Variants in NUBPL observed in about 807,000 individuals in gnomAD.
NUBPL encodes NUBP iron-sulfur cluster assembly factor, mitochondrial, also known as iron-sulfur cluster transfer protein NUBPL.
In NUBPL, 31 loss-of-function variants were observed where a neutral mutation model predicts 45.7. The observed-to-expected ratio is 0.68, with a 90% CI of 0.51 to 0.92. The LOEUF (loss-of-function observed/expected upper bound fraction) is 0.92. NUBPL is among the 40% of genes least tolerant of loss of function. The pLI is 0.00. For synonymous variants in NUBPL, 144 were observed against 140.9 expected, an observed-to-expected ratio of 1.02 and a Z score of -0.15; for missense variants, 401 against 398.7, an observed-to-expected ratio of 1.01 and a Z score of -0.05.
chr14:31,788,211 G>A (rs952073890), intron 7 of NUBPL, among the ~76,000 whole-genome samples: 1 of 152,158 alleles, frequency 6.6e-6, no homozygotes, highest in Non-Finnish European at 1.5e-5. Context: ...AACAGCAGTA[G>A]TAGCAGCAAG....
chr14:31,564,371 C>T (rs1045168750), intron 2 of NUBPL, among the ~76,000 whole-genome samples: 2 of 152,052 alleles, frequency 1.3e-5, no homozygotes, highest in Non-Finnish European at 2.9e-5. Context: ...ACTTGGAACT[C>T]CTGCAATATC....
At chr14:31,837,837 A>G (rs896286893) in intron 8 of NUBPL, among the ~76,000 whole-genome samples, 1 of 152,218 alleles carries the variant, frequency 6.6e-6, no homozygotes, top group Non-Finnish European at 1.5e-5. Flanking sequence ...AATTAAAACC[A>G]TAGTAGAAAA....
intron 4 of NUBPL, among the ~76,000 whole-genome samples, chr14:31,645,593 G>T (rs547377925): frequency 6.6e-6 from 1 of 151,974 alleles, no homozygotes; most frequent in African/African-American, 2.4e-5. Context: ...TTCTCTGGTA[G>T]TATGTTTTAA....
At chr14:31,744,617 C>CTTTTTT (rs34367142) in intron 6 of NUBPL, among the ~76,000 whole-genome samples, 11 of 103,908 alleles carry the variant, frequency 1.1e-4, no homozygotes, top group East Asian at 2.8e-4. Flanking sequence ...TTTGTAGAAT[C>CTTTTTT]TTTTTTTTTT....
At chr14:31,567,573 A>ATTTTGT (rs1209532896) in intron 3 of NUBPL, among the ~76,000 whole-genome samples, 1 of 151,356 alleles carries the variant, frequency 6.6e-6, no homozygotes, top group Non-Finnish European at 1.5e-5. Context: ...GGTTCTTCTG[A>ATTTTGT]TTTTGTTTTT....
intron 3 of NUBPL, among the ~76,000 whole-genome samples, chr14:31,590,857 G>A (rs1029770675): frequency 2.6e-5 from 4 of 151,854 alleles, no homozygotes; most frequent in African/African-American, 7.3e-5. Context: ...ACTTACTAAG[G>A]GCATTAAAAT....
At chr14:31,586,356 G>C (rs912090994) in intron 3 of NUBPL, among the ~76,000 whole-genome samples, 1 of 152,182 alleles carries the variant, frequency 6.6e-6, no homozygotes, top group South Asian at 2.1e-4. Context: ...TCGTTCAAAG[G>C]TAATAATTTG....
At chr14:31,584,969 C>A (rs572073459) in intron 3 of NUBPL, among the ~76,000 whole-genome samples, 1 of 152,204 alleles carries the variant, frequency 6.6e-6, no homozygotes, top group Admixed American at 6.5e-5. Flanking sequence ...GCCTGATTAT[C>A]TCCCAAAGGC....
chr14:31,690,679 G>T (rs529411199), intron 6 of NUBPL, among the ~76,000 whole-genome samples: 59 of 152,262 alleles, frequency 3.9e-4, no homozygotes, highest in Non-Finnish European at 5.9e-4. Context: ...TCCAAATGTT[G>T]TTCATGACTT....
intron 3 of NUBPL, among the ~76,000 whole-genome samples, chr14:31,598,822 C>T (rs145725525): frequency 6.6e-6 from 1 of 152,260 alleles, no homozygotes. Flanking sequence ...TATTATGGCC[C>T]TGTTTCCATG....
intron 3 of NUBPL, among the ~76,000 whole-genome samples, chr14:31,568,911 G>T (rs2033507982): frequency 6.6e-6 from 1 of 152,124 alleles, no homozygotes. Flanking sequence ...AGTCCATTGG[G>T]ATGTGGGCAG....
chr14:31,610,742 G>C (rs2034735233), intron 4 of NUBPL, among the ~76,000 whole-genome samples: 1 of 151,956 alleles, frequency 6.6e-6, no homozygotes, highest in African/African-American at 2.4e-5. Flanking sequence ...TGACCAACTG[G>C]GATTTATCCC....
At chr14:31,662,058 A>G (rs2036282547) in intron 4 of NUBPL, 1 of 151,828 alleles carries the variant, frequency 6.6e-6, no homozygotes, top group Admixed American at 6.6e-5. Flanking sequence ...TTTCTTTGTT[A>G]AATTTTCCGT....
Position 31,805,835 on chromosome 14 carries a change from T to A in NUBPL, c.607+17962T>A, listed in dbSNP as rs149435754. On this transcript the variant is annotated intron_variant, in intron 7 of 10. Coordinates refer to ENST00000281081, the MANE Select transcript of NUBPL (RefSeq NM_025152.3). The stretch of plus-strand genomic sequence containing the variant: ...GCTTAATACGTGGGTGATGAAATAA[T>A]CTGTACAACAAACCCCCATGACACA... Among the ~76,000 whole-genome samples the A allele has an allele frequency of 9.4e-4, 143 of 152,174 alleles. 2 individuals are homozygous for A. The highest frequency in any genetic ancestry group is 3.3e-3 in the African/African-American group (137 of 41,506).
At chr14:31,844,380 A>C (rs771864392) in intron 8 of NUBPL, 4 of 152,250 alleles carry the variant, frequency 2.6e-5, no homozygotes, top group Non-Finnish European at 5.9e-5. Context: ...AAACTGCCCA[A>C]GCAGTGAGTG....
chr14:31,856,829 G>A (rs1336366114), intron 10 of NUBPL, among the ~76,000 whole-genome samples: 1 of 152,154 alleles, frequency 6.6e-6, no homozygotes, highest in African/African-American at 2.4e-5. Context: ...CTGTAGTTTT[G>A]CAGAGTATAG....
At chr14:31,791,080 G>A (rs2039373294) in intron 7 of NUBPL, among the ~76,000 whole-genome samples, 1 of 151,904 alleles carries the variant, frequency 6.6e-6, no homozygotes, top group African/African-American at 2.4e-5. Flanking sequence ...ACCATCCTGG[G>A]CAATATAGTG....
At chr14:31,827,740 T>G (rs759936259) in intron 8 of NUBPL, among the ~76,000 whole-genome samples, 1 of 152,172 alleles carries the variant, frequency 6.6e-6, no homozygotes, top group Non-Finnish European at 1.5e-5. Flanking sequence ...TGCCTACAAG[T>G]ATTTGTTTTG....
At chr14:31,702,738 C>T (rs1366281023) in intron 6 of NUBPL, among the ~76,000 whole-genome samples, 1 of 152,176 alleles carries the variant, frequency 6.6e-6, no homozygotes, top group Non-Finnish European at 1.5e-5. Context: ...ACTTTGAGGT[C>T]TACTAATTCT....
Sources: allele counts gnomAD v4.1 joint callset (sites outside exome capture counted in the v4.1 genomes callset), GRCh38; gene constraint gnomAD v4.1.1; transcripts MANE v1.5; gene names NCBI Gene and HGNC (gene_info 2026-07-23, HGNC 2026-07-21).